PKHD1: variants seen among roughly 807,000 people sequenced by gnomAD.
PKHD1 encodes the protein PKHD1 ciliary IPT domain containing fibrocystin/polyductin.
Under a neutral mutation model 412.0 loss-of-function variants are expected in PKHD1, and 291 were observed. That is an observed-to-expected ratio of 0.71 (90% CI 0.64 to 0.78). PKHD1 has a LOEUF of 0.78. Among genes scored for constraint, PKHD1 ranks in the 30% least tolerant of loss-of-function variants. The pLI, the probability that PKHD1 is intolerant of heterozygous loss-of-function variation, is 0.00. For missense variants in PKHD1, 4,825 were observed against 4,950.7 expected (o/e 0.97, Z 0.76); for synonymous variants, 1,777 against 1,821.5 (o/e 0.98, Z 0.62).
chr6:51,884,379 A>G (rs1777876174), intron 45 of PKHD1, among the ~76,000 whole-genome samples: 1 of 152,262 alleles, frequency 6.6e-6, no homozygotes, highest in East Asian at 1.9e-4. Flanking sequence ...TCATTGACAT[A>G]TATATCTATC....
chr6:51,728,986 T>A (rs543924575), intron 60 of PKHD1, among the ~76,000 whole-genome samples: 3 of 152,328 alleles, frequency 2.0e-5, no homozygotes, highest in Admixed American at 2.0e-4. Flanking sequence ...GCTCTAAGAT[T>A]TCCTTTGTCT....
intron 6 of PKHD1, among the ~76,000 whole-genome samples, chr6:52,074,889 A>G (rs563650368): frequency 1.3e-5 from 2 of 152,258 alleles, no homozygotes; most frequent in South Asian, 4.1e-4. Context: ...CCCGCCACCA[A>G]TCCTTTCCCC....
chr6:51,882,977 A>G, intron 46 of PKHD1, 116 bp downstream of exon 46: 2 of 786,182 alleles, frequency 2.5e-6, no homozygotes, highest in Non-Finnish European at 4.4e-6. Context: ...TACTAATTAA[A>G]TATGAGATTC....
intron 52 of PKHD1, among the ~76,000 whole-genome samples, chr6:51,793,382 A>T (rs1407391242): frequency 1.3e-5 from 2 of 152,238 alleles, no homozygotes; most frequent in African/African-American, 4.8e-5. Context: ...ATTCAGGGAT[A>T]CATGAGCAGG....
At chr6:51,954,451 C>A (rs1270682) in intron 36 of PKHD1, among the ~76,000 whole-genome samples, 3 of 151,994 alleles carry the variant, frequency 2.0e-5, no homozygotes, top group Non-Finnish European at 2.9e-5. Flanking sequence ...CATTTAACTG[C>A]TTTAGTATAA....
At chr6:51,694,664 G>C (rs1362400555) in intron 60 of PKHD1, among the ~76,000 whole-genome samples, 1 of 143,444 alleles carries the variant, frequency 7.0e-6, no homozygotes, top group South Asian at 2.2e-4. Flanking sequence ...CAAAGTGCTA[G>C]AATTACAGGC....
chr6:51,949,853 G>T (rs895605089), intron 36 of PKHD1, among the ~76,000 whole-genome samples: 3 of 152,022 alleles, frequency 2.0e-5, no homozygotes, highest in Non-Finnish European at 4.4e-5. Flanking sequence ...AGCAACCTGG[G>T]ATGGAGCCAC....
intron 60 of PKHD1, among the ~76,000 whole-genome samples, chr6:51,661,889 G>T (rs1420133463): frequency 6.6e-6 from 1 of 151,866 alleles, no homozygotes; most frequent in Non-Finnish European, 1.5e-5. Flanking sequence ...TACTAGATTT[G>T]CATATAATCT....
rs1771171303 is a variant in PKHD1, at chr6:51,652,779, C to T, written c.11175-3559G>A. On this transcript the variant is annotated intron_variant, in intron 61 of 66. Transcript: ENST00000371117. ...ATTTTTAGTAGAGACGGGGTTTCAC[C>T]GTTTTAGCCGGGATGGTCTCGATCT... Among the ~76,000 whole-genome samples, 2 of 4,356 alleles carry T rather than the reference C, an allele frequency of 4.6e-4. 1 individual carries two copies. Among genetic ancestry groups the T allele is most frequent in the Non-Finnish European group, 6.4e-4 (2 of 3,128 alleles). 2.9% of individuals were successfully genotyped at this position (4,356 alleles called of 152,430 possible). A position where few individuals can be genotyped will look rare whatever the true frequency, so the allele number is the denominator to read the frequency against.
Position 51,913,053 on chromosome 6 carries a change from G to A in PKHD1, c.6122-477C>T, listed in dbSNP as rs557676061. 4.6e-5 allele frequency among the ~76,000 whole-genome samples: 7 copies of A among 152,140 alleles called. No individual in the cohort carries two copies. The South Asian group carries it at 1.5e-3, about 32-fold the overall frequency. On this transcript the variant is annotated intron_variant, in intron 37 of 66. Coordinates refer to ENST00000371117, the MANE Select transcript of PKHD1 (RefSeq NM_138694.4). ...TCTTACCACATAATAGACCCTAAGG[G>A]TATGTTAGTCCTTTCTCTTCCTTTT...
intron 51 of PKHD1, among the ~76,000 whole-genome samples, chr6:51,833,187 G>T (rs760542797): frequency 6.6e-6 from 1 of 152,028 alleles, no homozygotes; most frequent in Non-Finnish European, 1.5e-5. Flanking sequence ...AAAACCTCAC[G>T]CCAAGCTTCA....
At chr6:51,688,338 C>G (rs1047121786) in intron 60 of PKHD1, among the ~76,000 whole-genome samples, 1 of 152,062 alleles carries the variant, frequency 6.6e-6, no homozygotes, top group African/African-American at 2.4e-5. Flanking sequence ...AACAAGTTGT[C>G]TTCCCTCTCA....
At chr6:51,844,344 G>A (rs1449090756) in intron 50 of PKHD1, among the ~76,000 whole-genome samples, 1 of 152,334 alleles carries the variant, frequency 6.6e-6, no homozygotes, top group African/African-American at 2.4e-5. Context: ...ACTGCACTCC[G>A]TGAAGATGTT....
At chr6:51,781,798 A>C (rs1792059349) in intron 53 of PKHD1, among the ~76,000 whole-genome samples, 1 of 152,086 alleles carries the variant, frequency 6.6e-6, no homozygotes, top group Non-Finnish European at 1.5e-5. Flanking sequence ...AAAATAAGGC[A>C]AGCTCTTCCT....
At chr6:51,769,340 C>A (rs1406308824) in intron 55 of PKHD1, among the ~76,000 whole-genome samples, 1 of 151,198 alleles carries the variant, frequency 6.6e-6, no homozygotes, top group Non-Finnish European at 1.5e-5. Context: ...ATTCCTTGTT[C>A]TTTGTTTTAT....
intron 37 of PKHD1, among the ~76,000 whole-genome samples, chr6:51,914,822 A>G (rs1019071878): frequency 6.6e-6 from 1 of 151,912 alleles, no homozygotes; most frequent in Non-Finnish European, 1.5e-5. Flanking sequence ...TCTTTTGTCA[A>G]TTTCGTCCTT....
intron 43 of PKHD1, among the ~76,000 whole-genome samples, chr6:51,889,104 CAT>C (rs943496736): frequency 6.6e-5 from 10 of 152,056 alleles, no homozygotes; most frequent in Non-Finnish European, 1.3e-4. Flanking sequence ...AAGGCTCCCA[CAT>C]GATTCAATCC....
intron 59 of PKHD1, 89 bp from the exon 60 acceptor site, chr6:51,744,631 T>C: frequency 1.0e-6 from 1 of 977,550 alleles, no homozygotes; most frequent in East Asian, 2.4e-5. Flanking sequence ...TTGTTTAAAA[T>C]AAATTCAACA....
intron 60 of PKHD1, among the ~76,000 whole-genome samples, chr6:51,716,748 T>C (rs1358467719): frequency 4.6e-5 from 7 of 151,986 alleles, no homozygotes; most frequent in African/African-American, 7.2e-5. Context: ...GGGCCTGATA[T>C]ATAGACATCA....
Sources: gnomAD v4.1 joint callset for allele counts (sites outside exome capture counted in the v4.1 genomes callset) on GRCh38, gnomAD v4.1.1 for gene constraint, MANE v1.5 for transcripts, NCBI Gene and HGNC (gene_info 2026-07-23, HGNC 2026-07-21) for gene names.